Variants in CADM2 observed in about 807,000 individuals in gnomAD.
CADM2 encodes the protein cell adhesion molecule 2, also known as immunoglobulin superfamily member 4D.
CADM2 carries 12 observed loss-of-function variants against 49.8 expected under a neutral mutation model. The ratio of observed to expected loss-of-function variants is 0.24; its 90% CI spans 0.15 to 0.39. The LOEUF is 0.39. CADM2 is among the 10% of genes least tolerant of loss of function. The pLI is 1.00. For synonymous variants in CADM2, 214 were observed against 175.4 expected (o/e 1.22, Z -1.74); for missense variants, 378 against 492.3 (o/e 0.77, Z 2.20).
chr3:85,586,574 A>G (rs889049889), intron 1 of CADM2, among the ~76,000 whole-genome samples: 3 of 152,132 alleles, frequency 2.0e-5, no homozygotes, highest in Non-Finnish European at 4.4e-5. Flanking sequence ...TTGCAGTAGA[A>G]TTACAATTTA....
intron 1 of CADM2, among the ~76,000 whole-genome samples, chr3:85,399,430 T>C (rs1420860737): frequency 6.6e-6 from 1 of 152,194 alleles, no homozygotes; most frequent in Admixed American, 6.5e-5. Flanking sequence ...AGCTTTGTTC[T>C]TTTGGCTTAG....
intron 8 of CADM2, among the ~76,000 whole-genome samples, chr3:86,058,502 A>G (rs1738254162): frequency 6.6e-6 from 1 of 152,174 alleles, no homozygotes; most frequent in Non-Finnish European, 1.5e-5. Context: ...TCACACAGAT[A>G]GCAGTAAATG....
intron 1 of CADM2, among the ~76,000 whole-genome samples, chr3:85,246,114 C>T (rs1378399594): frequency 6.6e-6 from 1 of 152,030 alleles, no homozygotes; most frequent in Non-Finnish European, 1.5e-5. Context: ...TACTATGCAG[C>T]CATAAAAAAG....
intron 8 of CADM2, among the ~76,000 whole-genome samples, chr3:86,018,358 A>G (rs1732606891): frequency 1.3e-5 from 2 of 149,290 alleles, no homozygotes; most frequent in Non-Finnish European, 3.0e-5. Flanking sequence ...GTGTCTTTAT[A>G]GCAGCATGAT....
intron 8 of CADM2, among the ~76,000 whole-genome samples, chr3:85,974,346 C>T (rs1026722637): frequency 1.3e-4 from 19 of 151,670 alleles, no homozygotes; most frequent in African/African-American, 4.6e-4. Flanking sequence ...GGGTAAAGCA[C>T]TTGTGTCAGA....
At chr3:85,704,426 A>G (rs960962669) in intron 1 of CADM2, among the ~76,000 whole-genome samples, 2 of 152,182 alleles carry the variant, frequency 1.3e-5, no homozygotes, top group Admixed American at 6.5e-5. Flanking sequence ...AGGAAGCTGG[A>G]AGACCAAATT....
chr3:86,007,482 T>A (rs1274374504), intron 8 of CADM2, among the ~76,000 whole-genome samples: 2 of 152,124 alleles, frequency 1.3e-5, no homozygotes, highest in African/African-American at 4.8e-5. Context: ...GCAGCCAAGG[T>A]AAATAAATAA....
intron 1 of CADM2, among the ~76,000 whole-genome samples, chr3:85,167,130 A>C (rs1054252205): frequency 5.9e-5 from 9 of 152,020 alleles, no homozygotes; most frequent in African/African-American, 1.9e-4. Context: ...TGAATATTTC[A>C]GTTTCTTATT....
chr3:85,987,659 T>C (rs1472429361), intron 8 of CADM2, among the ~76,000 whole-genome samples: 1 of 146,740 alleles, frequency 6.8e-6, no homozygotes, highest in African/African-American at 2.5e-5. Flanking sequence ...ATTTATATAA[T>C]TTATAATATA....
At chr3:85,617,144 G>A (rs1244908542) in intron 1 of CADM2, among the ~76,000 whole-genome samples, 2 of 152,056 alleles carry the variant, frequency 1.3e-5, no homozygotes, top group Non-Finnish European at 2.9e-5. Context: ...ACCTGAAGAT[G>A]ATGTCAGATT....
chr3:85,527,373 G>A (rs1432138062), intron 1 of CADM2, among the ~76,000 whole-genome samples: 3 of 127,370 alleles, frequency 2.4e-5, no homozygotes, highest in Admixed American at 8.5e-5. Flanking sequence ...TAGCCTGGGC[G>A]ACAGAGCAAG....
chr3:85,361,044 C>T (rs1376760101), intron 1 of CADM2, among the ~76,000 whole-genome samples: 1 of 152,076 alleles, frequency 6.6e-6, no homozygotes, highest in Non-Finnish European at 1.5e-5. Flanking sequence ...TTGTCTGGAC[C>T]ATCAGAAAAA....
intron 1 of CADM2, among the ~76,000 whole-genome samples, chr3:85,008,179 G>C (rs2033829767): frequency 6.6e-6 from 1 of 152,136 alleles, no homozygotes; most frequent in African/African-American, 2.4e-5. Context: ...TCAAATGGTG[G>C]AGTGAGAGAG....
At chr3:85,780,891 A>G (rs2070605791) in intron 2 of CADM2, among the ~76,000 whole-genome samples, 1 of 152,054 alleles carries the variant, frequency 6.6e-6, no homozygotes, top group African/African-American at 2.4e-5. Context: ...GGCCAATGAG[A>G]CAATAACAAA....
At chr3:85,931,222 A>C (rs1680029988) in intron 6 of CADM2, among the ~76,000 whole-genome samples, 1 of 152,042 alleles carries the variant, frequency 6.6e-6, no homozygotes, top group Admixed American at 6.6e-5. Flanking sequence ...AAATGGAAGA[A>C]AGAAAGAAGA....
At chr3:85,528,730 C>G (rs1342072189) in intron 1 of CADM2, among the ~76,000 whole-genome samples, 4 of 152,152 alleles carry the variant, frequency 2.6e-5, no homozygotes, top group Non-Finnish European at 5.9e-5. Flanking sequence ...ATACCAGAGG[C>G]AAAATGTTGA....
intron 1 of CADM2, among the ~76,000 whole-genome samples, chr3:85,701,145 G>A (rs2066740733): frequency 6.6e-6 from 1 of 152,154 alleles, no homozygotes; most frequent in African/African-American, 2.4e-5. Flanking sequence ...ACTTCACATG[G>A]TGGAGCAGGA....
chr3:85,270,272 T>G (rs2106840612), intron 1 of CADM2, among the ~76,000 whole-genome samples: 1 of 151,454 alleles, frequency 6.6e-6, no homozygotes, highest in South Asian at 2.1e-4. Context: ...TATTCAGAGA[T>G]AAATAAAGAA....
intron 8 of CADM2, among the ~76,000 whole-genome samples, chr3:86,029,439 C>CA (rs200677634): frequency 2.0e-5 from 3 of 149,724 alleles, no homozygotes; most frequent in East Asian, 2.0e-4. Flanking sequence ...TTGTGGGGAA[C>CA]AAAAAAAAGG....
Sources: gnomAD v4.1 joint callset for allele counts (sites outside exome capture counted in the v4.1 genomes callset) on GRCh38, gnomAD v4.1.1 for gene constraint, MANE v1.5 for transcripts, NCBI Gene and HGNC (gene_info 2026-07-23, HGNC 2026-07-21) for gene names.